Variants in COL9A1 observed in about 807,000 individuals in gnomAD.
COL9A1 encodes the protein collagen type IX alpha 1 chain.
A neutral mutation model predicts 142.6 loss-of-function variants in COL9A1; 104 were observed. That is an observed-to-expected ratio of 0.73 (90% confidence interval 0.62 to 0.86). The LOEUF is 0.86. Ranked by LOEUF, COL9A1 falls within the 40% of genes least tolerant of loss-of-function variation. The pLI, the probability that COL9A1 is intolerant of heterozygous loss-of-function variation, is 0.00. For synonymous variants in COL9A1, 466 were observed against 396.0 expected (o/e 1.18, Z -2.10); for missense variants, 1,210 against 1,176.6 (o/e 1.03, Z -0.42).
At chr6:70,235,526 T>C (rs1053049295) in intron 33 of COL9A1, among the ~76,000 whole-genome samples, 1 of 152,150 alleles carries the variant, frequency 6.6e-6, no homozygotes, top group Non-Finnish European at 1.5e-5. Context: ...ATTGGAATAC[T>C]ACATTTTTTA....
rs545874495 is a variant in COL9A1 at position 70,226,141 on chromosome 6, A to T, written c.2504-132T>A. On this transcript the variant is annotated intron_variant, in intron 36 of 37. Coordinates refer to ENST00000357250, the MANE Select transcript of COL9A1 (RefSeq NM_001851.6). ...AATTGCCATAAACTAGATTGTAGTG[A>T]GTATGTAGCAAGGCAAAAATCAAGT... The T allele has an allele frequency of 5.4e-6, 4 of 740,956 alleles. No homozygotes were observed. The Admixed American group carries it at 9.6e-5, about 18-fold the overall frequency. The allele number at this position is 740,956 out of a possible 1,614,324, so 45.9% of individuals were successfully genotyped here. A position where few individuals can be genotyped will look rare whatever the true frequency, so the allele number is the denominator to read the frequency against.
Position 70,232,770 on chromosome 6 carries a change from T to C in COL9A1, c.2316A>G (p.Glu772=), listed in dbSNP as rs1368565312. 4 of 1,610,726 alleles carry C rather than the reference T, an allele frequency of 2.5e-6. No individual in the cohort carries two copies. The South Asian group carries it at 4.4e-5, about 18-fold the overall frequency. Residue 772 remains glutamate, a splice_region_variant and synonymous_variant, in exon 36 of 38, where the codon GAA becomes GAG. Transcript: ENST00000357250. ...IKQVCMRVIQ[E]HFAEMAASLK... is the part of the protein sequence containing the mutation. ...GACTGGCAGCCATCTCAGCAAAATG[T>C]TCTAAAAGAGAATAAACAAAACAAC... is the stretch of plus-strand genomic sequence containing the variant.
intron 34 of COL9A1, 36 bp downstream of exon 34, chr6:70,234,758 T>C (rs1412673806): frequency 6.2e-7 from 1 of 1,613,780 alleles, no homozygotes; most frequent in Admixed American, 1.7e-5. Context: ...GGATGGAGTC[T>C]CCAAAGGGAA....
rs773848465 is a variant in COL9A1 at position 70,217,050 on chromosome 6, A to G, written c.2613T>C (p.Asn871=). 1.4e-5 allele frequency: 23 copies of G among 1,613,994 alleles called. No homozygotes were observed. The Admixed American group carries it at 3.7e-4, about 26-fold the overall frequency. Reference sequence around the variant, plus strand: ...GGGGGCCTCGCTCACCGTCTCGGCCATTTCTGCCATAGCTGGCAGGGCCTG... The same window carrying G: ...GGGGGCCTCGCTCACCGTCTCGGCCGTTTCTGCCATAGCTGGCAGGGCCTG... ...GDPGPASYGR[N]GRDGERGPPG... The change falls in exon 38 of 38, where the codon AAT becomes AAC. Residue 871 remains asparagine, a synonymous_variant. Coordinates refer to ENST00000357250, the MANE Select transcript of COL9A1 (RefSeq NM_001851.6).
At chr6:70,282,198 GT>G (rs1773207356) in intron 7 of COL9A1, among the ~76,000 whole-genome samples, 1 of 152,082 alleles carries the variant, frequency 6.6e-6, no homozygotes, top group South Asian at 2.1e-4. Context: ...ATGTGGGGCT[GT>G]TTTTACCCTT....
rs556589955 is a variant in COL9A1, at chr6:70,221,314, G to T, written c.2582-4233C>A. ...TAGGGTATTTCATAATTAATCCACT[G>T]GTTATGTAGACTTTTTGTATGTACC... is the stretch of plus-strand genomic sequence containing the variant. On this transcript the variant is annotated intron_variant, in intron 37 of 37. Coordinates refer to ENST00000357250, the MANE Select transcript of COL9A1 (RefSeq NM_001851.6). Among the ~76,000 whole-genome samples, 10 of 152,178 alleles carry T rather than the reference G, an allele frequency of 6.6e-5. No homozygotes were observed. In the South Asian group the frequency reaches 2.1e-3, roughly 32 times the overall value.
At chr6:70,220,139 GTCATCATCATCATCA>G (rs147934773) in intron 37 of COL9A1, among the ~76,000 whole-genome samples, 1 of 151,106 alleles carries the variant, frequency 6.6e-6, no homozygotes. Context: ...TTTTGATGAT[GTCATCATCATCATCA>G]TCATCATCAT....
intron 32 of COL9A1, 121 bp from the exon 33 acceptor site, chr6:70,239,407 C>T (rs932531314): frequency 4.3e-6 from 3 of 694,202 alleles, no homozygotes; most frequent in Non-Finnish European, 5.1e-6. Context: ...TTAACTCCGG[C>T]ACTGCAAAAA....
intron 7 of COL9A1, among the ~76,000 whole-genome samples, chr6:70,282,009 ACCTGCAGTGACACTC>A (rs986014723): frequency 6.6e-6 from 1 of 152,032 alleles, no homozygotes; most frequent in African/African-American, 2.4e-5. Flanking sequence ...TTTCAGTTTT[ACCTGCAGTGACACTC>A]CCTCAGTCCC....
chr6:70,287,559 AC>A (rs1773504740), intron 5 of COL9A1, among the ~76,000 whole-genome samples: 1 of 152,142 alleles, frequency 6.6e-6, no homozygotes, highest in African/African-American at 2.4e-5. Flanking sequence ...TTTACATACC[AC>A]TTCAGCTGCC....
chr6:70,301,298 C>T (rs1015791784), intron 2 of COL9A1, among the ~76,000 whole-genome samples: 6 of 152,006 alleles, frequency 3.9e-5, no homozygotes, highest in South Asian at 4.2e-4. Context: ...AGCATAGGCC[C>T]GGCGCTGTGG....
chr6:70,274,746 A>T lies in COL9A1; in HGVS notation c.1002T>A (p.Pro334=), dbSNP rs1057523730. 11 of 1,612,686 alleles carry T rather than the reference A, an allele frequency of 6.8e-6. No individual in the cohort carries two copies. The highest frequency in any genetic ancestry group is 9.3e-6 in the Non-Finnish European group (11 of 1,178,900). Residue 334 remains proline (P), a synonymous_variant, in exon 11 of 38, where the codon CCT becomes CCA. Transcript: ENST00000357250. ...TTTGTCCCTTTGACCCAATGGAGCC[A>T]GGGGATCCATCAGGTCCTGTTAATC... ...ADGLTGPDGS[P]GSIGSKGQKG...
At chr6:70,215,392 A>G (rs1768440050), downstream of COL9A1, 1 of 152,214 alleles carries the variant, frequency 6.6e-6, no homozygotes, top group African/African-American at 2.4e-5. Flanking sequence ...AGAAAAATAT[A>G]TATAAAAAAT....
intron 5 of COL9A1, among the ~76,000 whole-genome samples, chr6:70,288,619 C>G (rs891621759): frequency 6.6e-6 from 1 of 152,180 alleles, no homozygotes; most frequent in African/African-American, 2.4e-5. Flanking sequence ...TAGTCTCATT[C>G]CAGCCACACT....
intron 20 of COL9A1, 28 bp downstream of exon 20, chr6:70,260,629 T>A (rs1234709467): frequency 3.1e-6 from 5 of 1,602,612 alleles, no homozygotes; most frequent in Admixed American, 1.7e-5. Flanking sequence ...CACATTTTGG[T>A]ATTATATTAT....
At chr6:70,233,872 A>G (rs12189752) in intron 35 of COL9A1, among the ~76,000 whole-genome samples, 54,633 of 151,968 alleles carry the variant, frequency 0.36, 11,921 homozygotes, top group Non-Finnish European at 0.5. Context: ...GTAACTAGCT[A>G]TGGGCTTCAG....
intron 17 of COL9A1, 107 bp downstream of exon 17, chr6:70,268,697 C>T: frequency 1.0e-6 from 1 of 963,292 alleles, no homozygotes; most frequent in Non-Finnish European, 1.6e-6. Context: ...CACTACTTGC[C>T]TGATCATCCA....
rs573732640 is a variant in COL9A1, at chr6:70,266,508, T to C, written c.1341+209A>G. ...AAAAATGAAAATGTCTGGTGCCTTATTTGTAAGTGTTTTATTGTAAATGAA... is the reference window on the plus strand; with the variant it reads ...AAAAATGAAAATGTCTGGTGCCTTACTTGTAAGTGTTTTATTGTAAATGAA... On this transcript the variant is annotated intron_variant, in intron 18 of 37. Transcript: ENST00000357250. Among the ~76,000 whole-genome samples the C allele has an allele frequency of 3.9e-5, 6 of 152,342 alleles. No individual in the cohort carries two copies. The South Asian group carries it at 1.2e-3, about 32-fold the overall frequency.
chr6:70,286,704 C>T (rs1188616783), intron 5 of COL9A1, among the ~76,000 whole-genome samples: 2 of 152,220 alleles, frequency 1.3e-5, no homozygotes, highest in African/African-American at 4.8e-5. Flanking sequence ...TTCCTGATTA[C>T]TGAGCAGGAG....
Sources: allele counts gnomAD v4.1 joint callset (sites outside exome capture counted in the v4.1 genomes callset), GRCh38; gene constraint gnomAD v4.1.1; transcripts MANE v1.5; gene names NCBI Gene and HGNC (gene_info 2026-07-23, HGNC 2026-07-21).